The following CACNA2D1 variants were observed in gnomAD, a reference collection of about 807,000 sequenced individuals.
The protein encoded by CACNA2D1 is calcium voltage-gated channel auxiliary subunit alpha2delta 1, also known as voltage-dependent calcium channel subunit alpha-2/delta-1.
A neutral mutation model predicts 171.5 loss-of-function variants in CACNA2D1; 53 were observed. The ratio of observed to expected loss-of-function variants is 0.31; its 90% CI spans 0.25 to 0.39. The LOEUF is 0.39. Ranked by LOEUF, CACNA2D1 falls within the 10% of genes least tolerant of loss-of-function variation. The pLI, the probability that CACNA2D1 is intolerant of heterozygous loss-of-function variation, is 1.00. For missense variants in CACNA2D1, 903 were observed against 1,299.8 expected (o/e 0.69, Z 4.69); for synonymous variants, 442 against 443.1 (o/e 1.00, Z 0.03).
At chr7:82,099,796 A>G (rs1812450468) in intron 6 of CACNA2D1, among the ~76,000 whole-genome samples, 1 of 152,154 alleles carries the variant, frequency 6.6e-6, no homozygotes, top group African/African-American at 2.4e-5. Context: ...GAATCACTGT[A>G]GGAATCAGAT....
At chr7:82,060,187 ATAT>A (rs1806559069) in intron 10 of CACNA2D1, among the ~76,000 whole-genome samples, 1 of 13,090 alleles carries the variant, frequency 7.6e-5, no homozygotes, top group Non-Finnish European at 1.3e-4. Context: ...TAATATATAT[ATAT>A]TATATATATA....
intron 3 of CACNA2D1, among the ~76,000 whole-genome samples, chr7:82,263,185 T>G (rs1807360076): frequency 6.8e-6 from 1 of 147,278 alleles, no homozygotes; most frequent in African/African-American, 2.5e-5. Context: ...CTCAGCTCAC[T>G]GCAACCTCTG....
intron 3 of CACNA2D1, among the ~76,000 whole-genome samples, chr7:82,190,143 A>G (rs1798148587): frequency 6.6e-6 from 1 of 151,846 alleles, no homozygotes; most frequent in Non-Finnish European, 1.5e-5. Context: ...TCAGAGAAGC[A>G]AAGTTTTATA....
At chr7:82,145,886 G>A (rs964898584) in intron 4 of CACNA2D1, among the ~76,000 whole-genome samples, 3 of 138,782 alleles carry the variant, frequency 2.2e-5, no homozygotes, top group African/African-American at 7.6e-5. Flanking sequence ...TTCGCTTACT[G>A]GAAGAACAAC....
At chr7:82,297,015 G>A (rs570385158) in intron 3 of CACNA2D1, among the ~76,000 whole-genome samples, 6 of 141,380 alleles carry the variant, frequency 4.2e-5, no homozygotes, top group African/African-American at 8.6e-5. Flanking sequence ...TGGGAAGATC[G>A]CTTAAGTCCA....
At chr7:82,055,654 A>G (rs550048940) in intron 10 of CACNA2D1, among the ~76,000 whole-genome samples, 5 of 150,498 alleles carry the variant, frequency 3.3e-5, no homozygotes, top group East Asian at 4.0e-4. Context: ...TCAGCAAACT[A>G]TCGCAAGGAC....
At chr7:82,364,161 T>C (rs1821413129) in intron 1 of CACNA2D1, among the ~76,000 whole-genome samples, 1 of 152,118 alleles carries the variant, frequency 6.6e-6, no homozygotes, top group South Asian at 2.1e-4. Flanking sequence ...AGGCAGAGGC[T>C]GCAGTGAGCA....
chr7:82,443,846 G>A, upstream of CACNA2D1: 1 of 525,444 alleles, frequency 1.9e-6, no homozygotes. Flanking sequence ...GGGGGCGGGG[G>A]CGGAGGAGGG....
intron 3 of CACNA2D1, among the ~76,000 whole-genome samples, chr7:82,295,831 T>G (rs919490015): frequency 5.9e-5 from 9 of 152,064 alleles, no homozygotes; most frequent in African/African-American, 2.2e-4. Flanking sequence ...GCGGCACTAT[T>G]CACAATAGCA....
chr7:82,042,594 A>G (rs971690638), intron 10 of CACNA2D1, among the ~76,000 whole-genome samples: 1 of 152,166 alleles, frequency 6.6e-6, no homozygotes, highest in Non-Finnish European at 1.5e-5. Context: ...AATTTCTGTT[A>G]GCCTGTTTAG....
chr7:82,362,462 T>G (rs2129447354), intron 1 of CACNA2D1, among the ~76,000 whole-genome samples: 1 of 152,304 alleles, frequency 6.6e-6, no homozygotes, highest in African/African-American at 2.4e-5. Flanking sequence ...AGAGGCTGAA[T>G]GGACTCCTTT....
chr7:82,111,300 A>G lies in CACNA2D1; in HGVS notation c.526+5744T>C, dbSNP rs1213314583. Among the ~76,000 whole-genome samples, 96 of 126,766 alleles carry G rather than the reference A, an allele frequency of 7.6e-4. 1 individual carries two copies. Among genetic ancestry groups the G allele is most frequent in the African/African-American group, 3.0e-3 (90 of 30,480 alleles). The allele number at this position is 126,766 out of a possible 152,430, so 83.2% of individuals were successfully genotyped here. ...CATATATATATGTCTGGGTATATAT[A>G]TATATATATATATACGTGTATATAC... is the stretch of plus-strand genomic sequence containing the variant. On this transcript the variant is annotated intron_variant, in intron 6 of 38. Coordinates refer to ENST00000356860, the MANE Select transcript of CACNA2D1 (RefSeq NM_000722.4).
At chr7:82,233,019 C>T (rs960711434) in intron 3 of CACNA2D1, among the ~76,000 whole-genome samples, 2 of 151,844 alleles carry the variant, frequency 1.3e-5, no homozygotes, top group Non-Finnish European at 2.9e-5. Context: ...TTCAAGCAGA[C>T]GTGTCCAAAC....
chr7:82,324,965 G>C (rs1816465608), intron 3 of CACNA2D1, among the ~76,000 whole-genome samples: 1 of 152,118 alleles, frequency 6.6e-6, no homozygotes, highest in Middle Eastern at 3.2e-3. Context: ...ATCACTTCCT[G>C]CTCATACAAT....
chr7:82,005,201 G>T, intron 18 of CACNA2D1: 1 of 510,880 alleles, frequency 2.0e-6, no homozygotes, highest in Non-Finnish European at 3.5e-6. Flanking sequence ...CTGTCTTTGA[G>T]ATAAAAATGT....
chr7:82,170,635 A>T (rs772976651), intron 3 of CACNA2D1, 26 bp from the exon 4 acceptor site: 3 of 1,602,878 alleles, frequency 1.9e-6, no homozygotes, highest in East Asian at 2.2e-5. Context: ...TAAATCTTAG[A>T]ATTCAAATGA....
intron 3 of CACNA2D1, among the ~76,000 whole-genome samples, chr7:82,331,571 G>T (rs182016462): frequency 6.6e-6 from 1 of 152,226 alleles, no homozygotes; most frequent in East Asian, 1.9e-4. Flanking sequence ...AAATAAAATT[G>T]AACTATTCTA....
At chr7:82,026,823 C>T (rs529199484) in intron 12 of CACNA2D1, among the ~76,000 whole-genome samples, 1 of 151,668 alleles carries the variant, frequency 6.6e-6, no homozygotes, top group East Asian at 1.9e-4. Flanking sequence ...TCTACACATA[C>T]ACATATGTCC....
intron 3 of CACNA2D1, among the ~76,000 whole-genome samples, chr7:82,214,500 T>G (rs1279572070): frequency 6.6e-6 from 1 of 151,552 alleles, no homozygotes; most frequent in African/African-American, 2.4e-5. Flanking sequence ...TCCCAGCAGC[T>G]GGGAAAGTAA....
Sources: gnomAD v4.1 joint callset for allele counts (sites outside exome capture counted in the v4.1 genomes callset) on GRCh38, gnomAD v4.1.1 for gene constraint, MANE v1.5 for transcripts, NCBI Gene and HGNC (gene_info 2026-07-23, HGNC 2026-07-21) for gene names.